The following DIPK1A variants were observed in gnomAD, a reference collection of about 807,000 sequenced individuals.
DIPK1A encodes divergent protein kinase domain 1A, also known as family with sequence similarity 69 member A.
DIPK1A carries 27 observed loss-of-function variants against 40.8 expected under a neutral mutation model. The ratio of observed to expected loss-of-function variants is 0.66; its 90% CI spans 0.49 to 0.91. The LOEUF (loss-of-function observed/expected upper bound fraction) is 0.91. DIPK1A is among the 40% of genes least tolerant of loss of function. The pLI is 0.00. For synonymous variants in DIPK1A, 166 were observed against 171.3 expected (o/e 0.97, Z 0.24); for missense variants, 412 against 505.7 (o/e 0.81, Z 1.78).
chr1:92,844,136 A>G lies in DIPK1A; in HGVS notation c.534T>C (p.Ala178=), dbSNP rs553142485. The change falls in exon 5 of 5, where the codon GCT becomes GCC. Residue 178 remains alanine, a synonymous_variant. Coordinates refer to ENST00000370310, the MANE Select transcript of DIPK1A (RefSeq NM_001006605.5). ...SELVNLILTV[A]DGDKDGQVSL... ...AAACCTGGCCATCTTTGTCTCCATC[A>G]GCCACCGTCAAGATGAGATTAACCA... is the stretch of plus-strand genomic sequence containing the variant. The G allele has an allele frequency of 2.0e-4, 306 of 1,551,732 alleles. 1 individual carries two copies. In the African/African-American group the frequency reaches 3.7e-3, roughly 19 times the overall value.
chr1:92,946,804 C>A (rs1393662330), intron 1 of DIPK1A, among the ~76,000 whole-genome samples: 2 of 151,944 alleles, frequency 1.3e-5, no homozygotes, highest in Admixed American at 6.6e-5. Context: ...ATTGGCCAAG[C>A]CTGGTGGCAC....
At chr1:92,871,942 T>C (rs1647883435) in intron 2 of DIPK1A, among the ~76,000 whole-genome samples, 1 of 152,144 alleles carries the variant, frequency 6.6e-6, no homozygotes, top group Admixed American at 6.6e-5. Context: ...CAGAATCCAT[T>C]TGAAACCCTG....
chr1:92,884,958 A>G (rs1002932530), intron 1 of DIPK1A, among the ~76,000 whole-genome samples: 1 of 152,218 alleles, frequency 6.6e-6, no homozygotes, highest in African/African-American at 2.4e-5. Context: ...AAAATAATTA[A>G]CTTTAATTGC....
intron 1 of DIPK1A, among the ~76,000 whole-genome samples, chr1:92,910,567 G>T (rs559296720): frequency 6.6e-6 from 1 of 151,940 alleles, no homozygotes; most frequent in African/African-American, 2.4e-5. Flanking sequence ...TCATTCAAAG[G>T]TCCTTTCCAT....
intron 1 of DIPK1A, among the ~76,000 whole-genome samples, chr1:92,898,478 A>C (rs917052644): frequency 6.6e-6 from 1 of 152,120 alleles, no homozygotes; most frequent in African/African-American, 2.4e-5. Context: ...GGAGGGGACA[A>C]ACATTCAAAC....
chr1:92,936,759 G>A (rs1298917401), intron 1 of DIPK1A, among the ~76,000 whole-genome samples: 12 of 152,160 alleles, frequency 7.9e-5, no homozygotes, highest in Admixed American at 6.5e-4. Context: ...TTTATCTATT[G>A]CTTTATTGAG....
chr1:92,947,421 T>C (rs1651418835), intron 1 of DIPK1A, among the ~76,000 whole-genome samples: 1 of 152,110 alleles, frequency 6.6e-6, no homozygotes, highest in Admixed American at 6.6e-5. Flanking sequence ...TTAGAATGGC[T>C]ATTACCAAAA....
At chr1:92,838,565 G>A (rs1687214504), downstream of DIPK1A, among the ~76,000 whole-genome samples, 1 of 152,190 alleles carries the variant, frequency 6.6e-6, no homozygotes, top group African/African-American at 2.4e-5. Flanking sequence ...TTTGGCTAAT[G>A]TATTTTTCTA....
chr1:92,888,075 T>A (rs1398368231), intron 1 of DIPK1A, among the ~76,000 whole-genome samples: 5 of 152,090 alleles, frequency 3.3e-5, no homozygotes, highest in Non-Finnish European at 7.4e-5. Flanking sequence ...TTGGAAAATA[T>A]ACAATGAATT....
chr1:92,841,752 C>CCTAT (rs1206450237), downstream of DIPK1A: 4 of 1,566,022 alleles, frequency 2.6e-6, no homozygotes, highest in Non-Finnish European at 3.5e-6. Flanking sequence ...AATATATATT[C>CCTAT]CTATCTTTTG....
At chr1:92,869,781 T>C (rs1430534313) in intron 2 of DIPK1A, among the ~76,000 whole-genome samples, 3 of 152,180 alleles carry the variant, frequency 2.0e-5, no homozygotes, top group Admixed American at 6.6e-5. Flanking sequence ...AATTTTATTA[T>C]ACGCTTTGGT....
At position 92,834,734 on chromosome 1, in the gene DIPK1A, C is replaced by T. The variant is rs747429475; in HGVS notation, c.475-1700G>A. On this transcript the variant is annotated intron_variant, in intron 4 of 4. Coordinates refer to the DIPK1A transcript ENST00000615519. ...GAAAAATAATTAAGATGTAGTAAGA[C>T]AGTGAAAGCAACAGATTACTAACCT... 2.7e-5 allele frequency: 44 copies of T among 1,609,002 alleles called. No individual in the cohort carries two copies. The Admixed American group carries it at 7.3e-4, about 27-fold the overall frequency.
At chr1:92,835,349 C>G in intron 4 of DIPK1A, 2 of 247,254 alleles carry the variant, frequency 8.1e-6, no homozygotes, top group Non-Finnish European at 1.6e-5. Flanking sequence ...GATTTATATG[C>G]ACATTAAAAC....
At position 92,925,520 on chromosome 1, in the gene DIPK1A, G is replaced by A. The variant is rs529759179; in HGVS notation, c.54+35856C>T. Among the ~76,000 whole-genome samples the A allele has an allele frequency of 2.6e-5, 4 of 152,208 alleles. No individual in the cohort carries two copies. In the East Asian group the frequency reaches 7.7e-4, roughly 29 times the overall value. ...TTTTTTTGCTTTTGTTTTTGAGACA[G>A]TCTCGCGCTGCAACCCAGGATGGAG... On this transcript the variant is annotated intron_variant, in intron 1 of 4. Coordinates refer to ENST00000370310, the MANE Select transcript of DIPK1A (RefSeq NM_001006605.5).
At chr1:92,958,117 G>A (rs1651922440) in intron 1 of DIPK1A, among the ~76,000 whole-genome samples, 1 of 152,100 alleles carries the variant, frequency 6.6e-6, no homozygotes, top group Admixed American at 6.5e-5. Flanking sequence ...TTTCTTCACA[G>A]GCAGTAGAAT....
intron 1 of DIPK1A, among the ~76,000 whole-genome samples, chr1:92,943,038 A>C (rs1651226573): frequency 6.6e-6 from 1 of 152,268 alleles, no homozygotes; most frequent in Non-Finnish European, 1.5e-5. Context: ...ATTAGAAAAC[A>C]GATGCTGCAG....
chr1:92,954,041 T>C (rs1426083194), intron 1 of DIPK1A, among the ~76,000 whole-genome samples: 1 of 152,224 alleles, frequency 6.6e-6, no homozygotes, highest in African/African-American at 2.4e-5. Context: ...TTTTCAAAGA[T>C]AAATTCATTT....
exon 5 of DIPK1A, chr1:92,832,843 T>G (rs1686963166): frequency 1.6e-6 from 1 of 607,222 alleles, no homozygotes; most frequent in African/African-American, 1.8e-5. Flanking sequence ...CTTGCCCAGT[T>G]AAGCTTTGTG....
chr1:92,927,859 C>G (rs186679109), intron 1 of DIPK1A, among the ~76,000 whole-genome samples: 1 of 152,300 alleles, frequency 6.6e-6, no homozygotes, highest in East Asian at 1.9e-4. Context: ...CATTCGTCAG[C>G]TGATGGACAT....
Sources: gnomAD v4.1 joint callset for allele counts (sites outside exome capture counted in the v4.1 genomes callset) on GRCh38, gnomAD v4.1.1 for gene constraint, MANE v1.5 for transcripts, NCBI Gene and HGNC (gene_info 2026-07-23, HGNC 2026-07-21) for gene names.